Variants in PIK3C2B observed in about 807,000 individuals in gnomAD.
PIK3C2B encodes the protein phosphatidylinositol 4-phosphate 3-kinase C2 domain-containing subunit beta.
A neutral mutation model predicts 184.3 loss-of-function variants in PIK3C2B; 83 were observed. The ratio of observed to expected loss-of-function variants is 0.45; its 90% CI spans 0.38 to 0.54. The LOEUF is 0.54. PIK3C2B is among the 20% of genes least tolerant of loss of function. The probability of loss-of-function intolerance (pLI) is 0.00; values close to 1 mark genes in which losing one functional copy is unlikely to be tolerated. For missense variants in PIK3C2B, 1,736 were observed against 2,113.5 expected (o/e 0.82, Z 3.50); for synonymous variants, 779 against 837.6 (o/e 0.93, Z 1.21).
At chr1:204,456,908 C>CCCCA (rs1654908183) in intron 10 of PIK3C2B, 129 bp downstream of exon 10, 4 of 214,652 alleles carry the variant, frequency 1.9e-5, no homozygotes, top group Non-Finnish European at 3.5e-5. Context: ...ACACACACAC[C>CCCCA]CACACACACA....
At chr1:204,493,061 A>C (rs986548760) in intron 1 of PIK3C2B, among the ~76,000 whole-genome samples, 1 of 152,192 alleles carries the variant, frequency 6.6e-6, no homozygotes, top group Non-Finnish European at 1.5e-5. Flanking sequence ...CTGCTCTGGG[A>C]TCGGCAGCTG....
At chr1:204,463,672 A>G (rs1572361698) in intron 5 of PIK3C2B, among the ~76,000 whole-genome samples, 1 of 152,108 alleles carries the variant, frequency 6.6e-6, no homozygotes. Flanking sequence ...AGAGCAGGAG[A>G]TACAGCACTA....
At chr1:204,429,013 CAG>C (rs1674894795) in intron 29 of PIK3C2B, 1 of 413,062 alleles carries the variant, frequency 2.4e-6, no homozygotes, top group Non-Finnish European at 4.8e-6. Context: ...CGCTTGAGCT[CAG>C]GAGTCTGAGA....
At chr1:204,445,377 T>G (rs1474836563) in intron 16 of PIK3C2B, among the ~76,000 whole-genome samples, 1 of 152,132 alleles carries the variant, frequency 6.6e-6, no homozygotes, top group Non-Finnish European at 1.5e-5. Context: ...GAGCATTGCT[T>G]GAACCCAGGA....
intron 1 of PIK3C2B, among the ~76,000 whole-genome samples, chr1:204,471,978 C>T (rs1377518918): frequency 6.7e-6 from 1 of 150,080 alleles, no homozygotes; most frequent in East Asian, 2.0e-4. Context: ...TTTTTTTCCC[C>T]CAGCCCTCAG....
At position 204,444,081 on chromosome 1, in the gene PIK3C2B, G is replaced by C. The variant is rs772970822; in HGVS notation, c.2854C>G (p.His952Asp). The change falls in exon 18 of 33, where the codon CAC (histidine) becomes GAC (aspartate). Residue 952 changes from histidine (H) to aspartate (D), a missense_variant. By Grantham distance (81) the His-to-Asp change is moderately conservative. Around this residue, in one of 8 missense-constraint regions of PIK3C2B, gnomAD observed 289 missense variants for 380.4 expected, o/e 0.76. Transcript: ENST00000684373. ...KRAVSDLRVT[H>D]YFFWLLKDGL... ...ATGCAGTTTTACCAGAAGAAGTAGTGAGTCACTCTCAAGTCAGACACAGCT... is the reference window on the plus strand; with the variant it reads ...ATGCAGTTTTACCAGAAGAAGTAGTCAGTCACTCTCAAGTCAGACACAGCT... The C allele has an allele frequency of 2.5e-6, 4 of 1,609,756 alleles. No individual in the cohort carries two copies. Among genetic ancestry groups the C allele is most frequent in the Non-Finnish European group, 3.4e-6 (4 of 1,175,928 alleles).
intron 1 of PIK3C2B, among the ~76,000 whole-genome samples, chr1:204,478,300 G>A (rs777835245): frequency 3.9e-5 from 6 of 151,932 alleles, no homozygotes; most frequent in South Asian, 2.1e-4. Flanking sequence ...ACCCTGCCTC[G>A]CATCTCACTC....
intron 29 of PIK3C2B, 46 bp from the exon 30 acceptor site, chr1:204,428,266 C>T: frequency 8.4e-7 from 1 of 1,187,812 alleles, no homozygotes; most frequent in Non-Finnish European, 1.3e-6. Context: ...AAGACAATGG[C>T]CCAATACAAA....
intron 1 of PIK3C2B, among the ~76,000 whole-genome samples, chr1:204,475,410 C>T (rs1400348181): frequency 6.6e-6 from 1 of 152,202 alleles, no homozygotes; most frequent in Non-Finnish European, 1.5e-5. Context: ...ATCACCCCTA[C>T]TATGTTCCTC....
intron 5 of PIK3C2B, among the ~76,000 whole-genome samples, chr1:204,461,129 G>C (rs984327381): frequency 7.2e-5 from 11 of 152,188 alleles, no homozygotes; most frequent in Non-Finnish European, 1.3e-4. Context: ...CTACCAACTA[G>C]GGTGCTGAGG....
chr1:204,424,328 CAACAAT>C lies in PIK3C2B; in HGVS notation c.*518_*523del, dbSNP rs1260100800. 11 of 208,688 alleles carry C rather than the reference CAACAAT, an allele frequency of 5.3e-5. No individual in the cohort carries two copies. Among genetic ancestry groups the C allele is most frequent in the Non-Finnish European group, 8.9e-5 (9 of 101,472 alleles). 12.9% of individuals were successfully genotyped at this position (208,688 alleles called of 1,614,324 possible). ...CTATAGCTAGAAAACGAAACAACAA[CAACAAT>C]AACAAAAAAAAAAAACCTAGGGAAA... is the stretch of plus-strand genomic sequence containing the variant. On this transcript the variant is annotated 3_prime_UTR_variant, in exon 33 of 33. Transcript: ENST00000684373.
intron 1 of PIK3C2B, among the ~76,000 whole-genome samples, chr1:204,486,319 C>T (rs1276688156): frequency 6.8e-6 from 1 of 148,028 alleles, no homozygotes; most frequent in Non-Finnish European, 1.5e-5. Context: ...CACTTGAACC[C>T]GGGAGGTGGA....
chr1:204,434,291 T>G (rs1232472691), intron 24 of PIK3C2B, 148 bp downstream of exon 24: 2 of 700,160 alleles, frequency 2.9e-6, no homozygotes, highest in African/African-American at 1.8e-5. Context: ...GACCTCTTTA[T>G]CCGTCTTCTC....
At position 204,469,331 on chromosome 1, in the gene PIK3C2B, G is replaced by C; in HGVS notation, c.472C>G (p.Pro158Ala). The change falls in exon 2 of 33, where the codon CCT becomes GCT. Residue 158 changes from proline to alanine, a missense_variant. Pro to Ala is a conservative substitution (Grantham distance 27). Around this residue, in one of 8 missense-constraint regions of PIK3C2B, gnomAD observed 404 missense variants for 418.0 expected, o/e 0.97. Transcript: ENST00000684373. Reference protein sequence around the residue: ...EGSCKKLSPPPLPPRASIWDT... With the variant: ...EGSCKKLSPPALPPRASIWDT... ...CAGATAGAAGCTCGGGGAGGCAGAG[G>C]AGGTGGGGATAGTTTCTTGCAAGAG... The C allele has an allele frequency of 6.5e-7, 1 of 1,531,210 alleles. No homozygotes were observed. Among genetic ancestry groups the C allele is most frequent in the Non-Finnish European group, 8.8e-7 (1 of 1,141,498 alleles). 94.9% of individuals were successfully genotyped at this position (1,531,210 alleles called of 1,614,324 possible).
At chr1:204,452,873 G>T (rs1355182159) in intron 12 of PIK3C2B, among the ~76,000 whole-genome samples, 1 of 152,098 alleles carries the variant, frequency 6.6e-6, no homozygotes, top group East Asian at 1.9e-4. Context: ...GCCCAGGCTG[G>T]TCTCAAATTC....
Position 204,422,969 on chromosome 1 carries a change from C to T in PIK3C2B, c.*1883G>A, listed in dbSNP as rs1019547389. On this transcript the variant is annotated 3_prime_UTR_variant, in exon 33 of 33. Coordinates refer to ENST00000684373, the MANE Select transcript of PIK3C2B (RefSeq NM_001377334.1). ...CCAGTTATGGAATGAGTCAGCAAAA[C>T]GGGGAGTTTCTGATCCTTGGAATTA... 6.6e-6 allele frequency: 1 copy of T among 152,238 alleles called. No homozygotes were observed. The highest frequency in any genetic ancestry group is 1.5e-5 in the Non-Finnish European group (1 of 68,024). The allele number at this position is 152,238 out of a possible 1,614,324, so 9.4% of individuals were successfully genotyped here. A position where few individuals can be genotyped will look rare whatever the true frequency, so the allele number is the denominator to read the frequency against.
intron 3 of PIK3C2B, 133 bp downstream of exon 3, chr1:204,465,086 C>T: frequency 1.5e-6 from 1 of 668,520 alleles, no homozygotes; most frequent in Non-Finnish European, 2.7e-6. Context: ...TTGTAGGAAG[C>T]ATTTTCATAG....
intron 9 of PIK3C2B, 99 bp downstream of exon 9, chr1:204,457,629 T>C: frequency 8.5e-7 from 1 of 1,173,466 alleles, no homozygotes; most frequent in Non-Finnish European, 1.2e-6. Context: ...AAGCCCCTTT[T>C]TAGTGAGTGA....
chr1:204,455,910 G>A lies in PIK3C2B; in HGVS notation c.1889C>T (p.Ser630Phe), dbSNP rs370833347. Residue 630 changes from serine (S) to phenylalanine (F), a missense_variant, in exon 11 of 33, where the codon TCC becomes TTC. Physicochemically the swap from Ser to Phe is radical, Grantham distance 155. Transcript: ENST00000684373. ...LVQEACHFAR[S>F]LAFTVYATHR... Reference sequence around the variant, plus strand: ...GGTGGCATAGACAGTGAAGGCCAGGGACCTGGCGAAATGGCAGGCCTCCTG... The same window carrying A: ...GGTGGCATAGACAGTGAAGGCCAGGAACCTGGCGAAATGGCAGGCCTCCTG... The A allele has an allele frequency of 1.7e-5, 28 of 1,614,188 alleles. No homozygotes were observed. In the African/African-American group the frequency reaches 2.0e-4, roughly 12 times the overall value.
Sources: allele counts gnomAD v4.1 joint callset (sites outside exome capture counted in the v4.1 genomes callset), GRCh38; gene constraint gnomAD v4.1.1; regional missense constraint gnomAD v4.1.1; transcripts MANE v1.5; gene names NCBI Gene and HGNC (gene_info 2026-07-23, HGNC 2026-07-21).